The following RBMS3 variants were observed in gnomAD, a reference collection of about 807,000 sequenced individuals.
The protein encoded by RBMS3 is RNA-binding motif, single-stranded-interacting protein 3.
Under a neutral mutation model 66.8 loss-of-function variants are expected in RBMS3, and 27 were observed. The ratio of observed to expected loss-of-function variants is 0.40; its 90% CI spans 0.30 to 0.56. RBMS3 has a LOEUF of 0.56. RBMS3 is among the 20% of genes least tolerant of loss of function. The pLI is 0.40. For synonymous variants in RBMS3, 188 were observed against 183.0 expected, an observed-to-expected ratio of 1.03 and a Z score of -0.22; for missense variants, 513 against 549.5, an observed-to-expected ratio of 0.93 and a Z score of 0.66.
intron 6 of RBMS3, among the ~76,000 whole-genome samples, chr3:29,837,893 T>A (rs2058565754): frequency 6.6e-6 from 1 of 151,356 alleles, no homozygotes; most frequent in Admixed American, 6.6e-5. Flanking sequence ...GCCCTGGTAC[T>A]GCATTCCACA....
chr3:29,842,496 G>A (rs1479967589), intron 6 of RBMS3, among the ~76,000 whole-genome samples: 1 of 152,100 alleles, frequency 6.6e-6, no homozygotes, highest in Non-Finnish European at 1.5e-5. Flanking sequence ...TTGAATGAAT[G>A]AATAACAGTA....
In RBMS3 at chr3:30,006,589, T is replaced by C. The variant is rs1414728582; in HGVS notation, c.*2727T>C. On this transcript the variant is annotated 3_prime_UTR_variant, in exon 15 of 15. Transcript: ENST00000383767. ...TTTGAAAAGTGGGCCCCAAAGTTTT[T>C]TGGGGTACAAAAAGACATGTATGAG... 1 of 151,886 alleles carries C rather than the reference T, an allele frequency of 6.6e-6. No individual in the cohort carries two copies. The highest frequency in any genetic ancestry group is 2.4e-5 in the African/African-American group (1 of 41,424). 9.4% of individuals were successfully genotyped at this position (151,886 alleles called of 1,614,324 possible). A position where few individuals can be genotyped will look rare whatever the true frequency, so the allele number is the denominator to read the frequency against.
intron 2 of RBMS3, among the ~76,000 whole-genome samples, chr3:29,444,367 A>G (rs2041738608): frequency 6.6e-6 from 1 of 152,194 alleles, no homozygotes; most frequent in Non-Finnish European, 1.5e-5. Context: ...GCTTTAAATT[A>G]ATAAGTTTTG....
At chr3:29,339,781 A>G (rs994758233) in intron 1 of RBMS3, among the ~76,000 whole-genome samples, 2 of 152,160 alleles carry the variant, frequency 1.3e-5, no homozygotes, top group Non-Finnish European at 2.9e-5. Flanking sequence ...ATTTGAATGC[A>G]TTAGTGGAAG....
intron 4 of RBMS3, among the ~76,000 whole-genome samples, chr3:29,646,703 C>G (rs2049936493): frequency 1.3e-5 from 2 of 151,112 alleles, no homozygotes; most frequent in Non-Finnish European, 1.5e-5. Flanking sequence ...ACAGTTTTCC[C>G]TTCTCATTTT....
At chr3:29,403,006 G>GA (rs952591833) in intron 1 of RBMS3, among the ~76,000 whole-genome samples, 18 of 147,352 alleles carry the variant, frequency 1.2e-4, no homozygotes, top group Middle Eastern at 3.5e-3. Context: ...TGTAGCAACT[G>GA]AAAAAAAAAA....
At chr3:29,725,486 G>T (rs2053824755) in intron 4 of RBMS3, among the ~76,000 whole-genome samples, 1 of 148,646 alleles carries the variant, frequency 6.7e-6, no homozygotes, top group South Asian at 2.1e-4. Context: ...TAGTAAAGAA[G>T]AAAAGAAAGA....
intron 1 of RBMS3, among the ~76,000 whole-genome samples, chr3:29,366,894 G>A (rs995454213): frequency 2.0e-5 from 3 of 152,080 alleles, no homozygotes; most frequent in Admixed American, 6.6e-5. Context: ...ATAAAAGTCA[G>A]TCTCTAATAG....
At chr3:29,452,341 C>T (rs150703870) in intron 2 of RBMS3, among the ~76,000 whole-genome samples, 4,003 of 152,174 alleles carry the variant, frequency 0.026, 79 homozygotes, top group Middle Eastern at 0.048. Context: ...AATGAGAAAA[C>T]CCATGGCTTA....
chr3:29,294,438 GA>G lies in RBMS3; in HGVS notation c.75+12689del, dbSNP rs1384480213. Among the ~76,000 whole-genome samples the G allele has an allele frequency of 3.4e-5, 5 of 148,084 alleles. No individual in the cohort carries two copies. The South Asian group carries it at 1.1e-3, about 31-fold the overall frequency. On this transcript the variant is annotated intron_variant, in intron 1 of 14. Coordinates refer to ENST00000383767, the MANE Select transcript of RBMS3 (RefSeq NM_001003793.3). ...AGATGAGTTAAGTCAGAAACTAATA[GA>G]AAAAAAGAAAAAAAAAACATAGTAC...
chr3:29,678,851 T>C (rs1430779899), intron 4 of RBMS3, among the ~76,000 whole-genome samples: 1 of 152,112 alleles, frequency 6.6e-6, no homozygotes, highest in Admixed American at 6.6e-5. Context: ...TCCATTTTAT[T>C]GAGATCCAAC....
In RBMS3 at chr3:29,755,489, T is replaced by C. The variant is rs576345508; in HGVS notation, c.558-7421T>C. ...TCTACTGAAGAAAATTAAGGAGTAT[T>C]TACCAAATATTTACAGAAGCAGTGT... On this transcript the variant is annotated intron_variant, in intron 5 of 14. Transcript: ENST00000383767. 5.9e-5 allele frequency among the ~76,000 whole-genome samples: 9 copies of C among 152,296 alleles called. No homozygotes were observed. The South Asian group carries it at 1.9e-3, about 32-fold the overall frequency.
intron 3 of RBMS3, among the ~76,000 whole-genome samples, chr3:29,579,551 G>A (rs2047251081): frequency 6.6e-6 from 1 of 152,146 alleles, no homozygotes; most frequent in African/African-American, 2.4e-5. Flanking sequence ...TAATTAAAGT[G>A]TTCAGTCATA....
At chr3:29,794,933 A>T (rs1335919153) in intron 6 of RBMS3, among the ~76,000 whole-genome samples, 1 of 152,196 alleles carries the variant, frequency 6.6e-6, no homozygotes, top group Non-Finnish European at 1.5e-5. Context: ...CATGTATCTT[A>T]TGGTAGCATA....
At chr3:29,345,431 T>C (rs2036517812) in intron 1 of RBMS3, among the ~76,000 whole-genome samples, 1 of 148,770 alleles carries the variant, frequency 6.7e-6, no homozygotes, top group Non-Finnish European at 1.5e-5. Context: ...AGGAGGAGGA[T>C]TTTTTTTTCC....
rs1456103283 is a variant in RBMS3 at position 29,854,045 on chromosome 3, C to CA, written c.638-14808dup. 2.6e-5 allele frequency among the ~76,000 whole-genome samples: 4 copies of CA among 152,072 alleles called. No individual in the cohort carries two copies. The East Asian group carries it at 5.8e-4, about 22-fold the overall frequency. On this transcript the variant is annotated intron_variant, in intron 6 of 14. Coordinates refer to ENST00000383767, the MANE Select transcript of RBMS3 (RefSeq NM_001003793.3). Reference sequence around the variant, plus strand: ...TTGTTTGTTTGTTTTTTGAAAGTGTCAAAAAGTCGTGAGAACAAAGCATCC... The same window carrying CA: ...TTGTTTGTTTGTTTTTTGAAAGTGTCAAAAAAGTCGTGAGAACAAAGCATCC...
At chr3:29,808,862 G>A (rs2057640303) in intron 6 of RBMS3, among the ~76,000 whole-genome samples, 1 of 151,822 alleles carries the variant, frequency 6.6e-6, no homozygotes, top group South Asian at 2.1e-4. Context: ...AATGATAATA[G>A]CAATCCTGAT....
At chr3:29,793,506 C>A (rs529916470) in intron 6 of RBMS3, among the ~76,000 whole-genome samples, 19 of 152,324 alleles carry the variant, frequency 1.2e-4, no homozygotes, top group African/African-American at 3.4e-4. Context: ...ACATCCATTT[C>A]TCCAAATAAT....
chr3:29,965,513 A>G (rs1013530929), intron 12 of RBMS3, among the ~76,000 whole-genome samples: 2 of 151,934 alleles, frequency 1.3e-5, no homozygotes, highest in African/African-American at 4.8e-5. Context: ...TTTGTTGGCC[A>G]TTTGTATATC....
Sources: allele counts gnomAD v4.1 joint callset (sites outside exome capture counted in the v4.1 genomes callset), GRCh38; gene constraint gnomAD v4.1.1; transcripts MANE v1.5; gene names NCBI Gene and HGNC (gene_info 2026-07-23, HGNC 2026-07-21).